Variants in INPP5A observed in about 807,000 individuals in gnomAD.
INPP5A encodes inositol polyphosphate-5-phosphatase A, also known as 43 kDa inositol polyphosphate 5-phophatase.
A neutral mutation model predicts 65.2 loss-of-function variants in INPP5A; 14 were observed. The ratio of observed to expected loss-of-function variants is 0.21; its 90% CI spans 0.14 to 0.34. The LOEUF (loss-of-function observed/expected upper bound fraction) is 0.34. Ranked by LOEUF, INPP5A falls within the 10% of genes least tolerant of loss-of-function variation. The pLI is 1.00. For synonymous variants in INPP5A, 207 were observed against 208.3 expected, an observed-to-expected ratio of 0.99 and a Z score of 0.05; for missense variants, 431 against 545.6, an observed-to-expected ratio of 0.79 and a Z score of 2.09.
intron 1 of INPP5A, among the ~76,000 whole-genome samples, chr10:132,596,665 C>T (rs1220230279): frequency 6.6e-6 from 1 of 152,154 alleles, no homozygotes; most frequent in African/African-American, 2.4e-5. Context: ...TTCCTGACCT[C>T]GTGATCCACC....
chr10:132,589,219 C>G (rs2814448), intron 1 of INPP5A, among the ~76,000 whole-genome samples: 41,591 of 152,240 alleles, frequency 0.27, 6,673 homozygotes, highest in East Asian at 0.5. Context: ...GGCGTTCACT[C>G]TGCCTGCCTG....
intron 1 of INPP5A, among the ~76,000 whole-genome samples, chr10:132,565,736 T>C (rs921820113): frequency 1.4e-4 from 22 of 152,064 alleles, no homozygotes; most frequent in East Asian, 1.4e-3. Flanking sequence ...TGTGTGTGTG[T>C]GTGTGCGCCG....
chr10:132,677,030 A>G (rs1354714326), intron 4 of INPP5A, among the ~76,000 whole-genome samples: 6 of 79,224 alleles, frequency 7.6e-5, no homozygotes, highest in Non-Finnish European at 2.8e-5. Context: ...AGGTATTCAC[A>G]TGGTGACCCC....
At chr10:132,559,273 G>C (rs1229035303) in intron 1 of INPP5A, among the ~76,000 whole-genome samples, 1 of 152,218 alleles carries the variant, frequency 6.6e-6, no homozygotes, top group East Asian at 1.9e-4. Context: ...GCGCACACGT[G>C]GTAAATCTGC....
chr10:132,712,223 C>G (rs1405134779), intron 8 of INPP5A, among the ~76,000 whole-genome samples: 2 of 150,952 alleles, frequency 1.3e-5, no homozygotes, highest in African/African-American at 2.4e-5. Context: ...GTGTGCATGC[C>G]TGAGTGTGCA....
In INPP5A at chr10:132,771,129, G is replaced by A. The variant is rs765668238; in HGVS notation, c.977+5283G>A. On this transcript the variant is annotated intron_variant, in intron 12 of 15. Transcript: ENST00000368594. ...ATCTTTCTGGCAAAATATGGTGTCC[G>A]TGAAAACGAGCAGCTGCTTTAGCTG... Among the ~76,000 whole-genome samples, 9 of 152,286 alleles carry A rather than the reference G, an allele frequency of 5.9e-5. No individual in the cohort carries two copies. The South Asian group carries it at 1.0e-3, about 18-fold the overall frequency.
intron 2 of INPP5A, among the ~76,000 whole-genome samples, chr10:132,625,408 A>G (rs911700489): frequency 6.6e-6 from 1 of 151,924 alleles, no homozygotes; most frequent in Non-Finnish European, 1.5e-5. Context: ...GTCAATAAAT[A>G]TTCATGTCTT....
intron 8 of INPP5A, among the ~76,000 whole-genome samples, chr10:132,718,728 T>C (rs1341784530): frequency 6.7e-6 from 1 of 149,876 alleles, no homozygotes; most frequent in Non-Finnish European, 1.5e-5. Flanking sequence ...GGTTCTGTGG[T>C]ACCTGGGTTC....
At chr10:132,760,870 G>A (rs951224460) in intron 11 of INPP5A, among the ~76,000 whole-genome samples, 4 of 152,200 alleles carry the variant, frequency 2.6e-5, no homozygotes, top group African/African-American at 4.8e-5. Flanking sequence ...CAGGCCCACC[G>A]CCCTGCATCT....
chr10:132,538,207 G>T lies in INPP5A; in HGVS notation c.75+36G>T, dbSNP rs1036994704. ...CGTGCCGGCGGCAGGCCCCAAGCCC[G>T]GAACCCCCGACCCTGACCCCGGGGT... On this transcript the variant is annotated intron_variant, in intron 1 of 15. Coordinates refer to ENST00000368594, the MANE Select transcript of INPP5A (RefSeq NM_005539.5). The surrounding 1 kb of genome is among the most constrained non-coding windows in gnomAD (Gnocchi z 4.1). The T allele has an allele frequency of 8.2e-6, 10 of 1,225,414 alleles. No homozygotes were observed. Among genetic ancestry groups the T allele is most frequent in the Non-Finnish European group, 1.0e-5 (10 of 970,998 alleles). The allele number at this position is 1,225,414 out of a possible 1,614,324, so 75.9% of individuals were successfully genotyped here.
At chr10:132,599,626 G>C (rs1367160978) in intron 1 of INPP5A, among the ~76,000 whole-genome samples, 3 of 152,214 alleles carry the variant, frequency 2.0e-5, no homozygotes, top group African/African-American at 4.8e-5. Flanking sequence ...ACTAGGCATT[G>C]CCCCAATAGA....
Position 132,698,402 on chromosome 10 carries a change from C to T in INPP5A, c.474+483C>T, listed in dbSNP as rs1845380147. 6.6e-6 allele frequency among the ~76,000 whole-genome samples: 1 copy of T among 152,196 alleles called. No homozygotes were observed. Among genetic ancestry groups the T allele is most frequent in the Non-Finnish European group, 1.5e-5 (1 of 68,040 alleles). On this transcript the variant is annotated intron_variant, in intron 6 of 15. Transcript: ENST00000368594. This position sits in a 1 kb window ranked among gnomAD's most constrained non-coding sequence, Gnocchi z 5.5. Reference sequence around the variant, plus strand: ...AGCAGGGTCCCGGCAGTTATGCCTGCGTCACACGGAGAGATTAGAATCAAA... The same window carrying T: ...AGCAGGGTCCCGGCAGTTATGCCTGTGTCACACGGAGAGATTAGAATCAAA...
At chr10:132,671,715 C>T (rs2072895065) in intron 4 of INPP5A, among the ~76,000 whole-genome samples, 1 of 152,228 alleles carries the variant, frequency 6.6e-6, no homozygotes, top group Non-Finnish European at 1.5e-5. Context: ...ATGTGCCTTA[C>T]ATGTGCCACC....
At chr10:132,570,454 C>T (rs1253453017) in intron 1 of INPP5A, among the ~76,000 whole-genome samples, 3 of 152,092 alleles carry the variant, frequency 2.0e-5, no homozygotes, top group Non-Finnish European at 2.9e-5. Context: ...TGTGGAGTCC[C>T]TCTGCGATCC....
rs1456872319 is a variant in INPP5A, at chr10:132,771,869, C to G, written c.978-5802C>G. On this transcript the variant is annotated intron_variant, in intron 12 of 15. Transcript: ENST00000368594. ...GACACGGAGGCCACAGCAGCCACCC[C>G]GCGAAGAGTGGGACAGACACTCAGC... Among the ~76,000 whole-genome samples, 22 of 103,878 alleles carry G rather than the reference C, an allele frequency of 2.1e-4. 1 individual carries two copies. Among genetic ancestry groups the G allele is most frequent in the Middle Eastern group, 4.9e-3 (1 of 206 alleles). The allele number at this position is 103,878 out of a possible 152,430, so 68.1% of individuals were successfully genotyped here. A position where few individuals can be genotyped will look rare whatever the true frequency, so the allele number is the denominator to read the frequency against.
intron 9 of INPP5A, among the ~76,000 whole-genome samples, chr10:132,728,942 C>T (rs1179844413): frequency 2.6e-5 from 4 of 152,116 alleles, no homozygotes; most frequent in Admixed American, 1.3e-4. Context: ...CTTGTGTGGC[C>T]GCTCTGGTCT....
intron 12 of INPP5A, among the ~76,000 whole-genome samples, chr10:132,774,845 A>ACGG (rs1396921976): frequency 1.4e-5 from 1 of 71,392 alleles, no homozygotes; most frequent in Non-Finnish European, 2.8e-5. Context: ...AGAGAGGGGT[A>ACGG]GGGAGAGACG....
chr10:132,774,348 A>C (rs1847007707), intron 12 of INPP5A, among the ~76,000 whole-genome samples: 1 of 152,176 alleles, frequency 6.6e-6, no homozygotes, highest in Non-Finnish European at 1.5e-5. Context: ...CTCCGTGTAC[A>C]CAAGAGCGGC....
In INPP5A at chr10:132,645,264, C is replaced by T. The variant is rs117239127; in HGVS notation, c.118-604C>T. 6.6e-3 allele frequency among the ~76,000 whole-genome samples: 1,005 copies of T among 152,318 alleles called. 5 individuals are homozygous for T. Among genetic ancestry groups the T allele is most frequent in the South Asian group, 0.025 (122 of 4,828 alleles). ...GGCCGTGATGCCAGGCTCAGGTTCC[C>T]GGCTCTGCCACTTAGTGGAAGTGGC... On this transcript the variant is annotated intron_variant, in intron 2 of 15. Coordinates refer to ENST00000368594, the MANE Select transcript of INPP5A (RefSeq NM_005539.5).
Sources: allele counts gnomAD v4.1 joint callset (sites outside exome capture counted in the v4.1 genomes callset), GRCh38; gene constraint gnomAD v4.1.1; non-coding constraint Gnocchi (gnomAD v3.1); transcripts MANE v1.5; gene names NCBI Gene and HGNC (gene_info 2026-07-23, HGNC 2026-07-21).